The following USP10 variants were observed in gnomAD, a reference collection of about 807,000 sequenced individuals.
The protein encoded by USP10 is ubiquitin specific peptidase 10.
In USP10, 22 loss-of-function variants were observed where a neutral mutation model predicts 84.5. The ratio of observed to expected loss-of-function variants is 0.26; its 90% confidence interval spans 0.19 to 0.37. USP10 has a LOEUF of 0.37. Ranked by LOEUF, USP10 falls within the 10% of genes least tolerant of loss-of-function variation. USP10 has a pLI of 1.00. For synonymous variants in USP10, 454 were observed against 387.6 expected (o/e 1.17, Z -2.01); for missense variants, 1,019 against 998.9 (o/e 1.02, Z -0.27).
intron 1 of USP10, among the ~76,000 whole-genome samples, chr16:84,703,418 T>C (rs1473258342): frequency 6.6e-6 from 1 of 152,200 alleles, no homozygotes; most frequent in East Asian, 1.9e-4. Flanking sequence ...CCCCAGTCTC[T>C]TTTTTAGCTT....
At chr16:84,719,460 C>A (rs1177847877) in intron 1 of USP10, among the ~76,000 whole-genome samples, 1 of 152,196 alleles carries the variant, frequency 6.6e-6, no homozygotes, top group African/African-American at 2.4e-5. Flanking sequence ...CTGGACTCCA[C>A]CCTAGACCAC....
intron 6 of USP10, 129 bp downstream of exon 6, chr16:84,759,601 T>C (rs1384414232): frequency 1.2e-5 from 11 of 901,406 alleles, no homozygotes; most frequent in African/African-American, 1.7e-5. Context: ...TTTTTAAAAA[T>C]AGACTGTTGG....
intron 4 of USP10, among the ~76,000 whole-genome samples, chr16:84,756,242 C>T (rs1912525692): frequency 6.6e-6 from 1 of 152,210 alleles, no homozygotes; most frequent in Non-Finnish European, 1.5e-5. Context: ...TTACCCGGTG[C>T]CTAGGCAGGG....
At chr16:84,713,917 G>A (rs1051864601) in intron 1 of USP10, among the ~76,000 whole-genome samples, 1 of 152,264 alleles carries the variant, frequency 6.6e-6, no homozygotes, top group African/African-American at 2.4e-5. Flanking sequence ...AGTGCATTTG[G>A]GACGTGGAGA....
intron 1 of USP10, among the ~76,000 whole-genome samples, chr16:84,730,914 A>T (rs993210101): frequency 1.4e-4 from 21 of 151,922 alleles, no homozygotes; most frequent in African/African-American, 5.1e-4. Context: ...ATTCTGAAGT[A>T]AAAGGCCTTT....
intron 1 of USP10, among the ~76,000 whole-genome samples, chr16:84,712,231 GCAGT>G (rs1227137672): frequency 6.6e-6 from 1 of 152,202 alleles, no homozygotes; most frequent in Non-Finnish European, 1.5e-5. Flanking sequence ...TCCTCAGGAG[GCAGT>G]CAGCTGTGTA....
At chr16:84,733,244 A>G (rs1027146081) in intron 1 of USP10, 191 bp from the exon 2 acceptor site, 3 of 611,918 alleles carry the variant, frequency 4.9e-6, no homozygotes, top group Non-Finnish European at 8.8e-6. Context: ...ATTTGTAGGA[A>G]AGGTTCAGTA....
chr16:84,765,174 A>G (rs567544517), intron 10 of USP10, among the ~76,000 whole-genome samples: 86 of 151,794 alleles, frequency 5.7e-4, no homozygotes, highest in African/African-American at 2.0e-3. Flanking sequence ...TATTTAAAGT[A>G]TACACAGATG....
chr16:84,716,749 A>C (rs886333387), intron 1 of USP10, among the ~76,000 whole-genome samples: 1 of 152,150 alleles, frequency 6.6e-6, no homozygotes, highest in Non-Finnish European at 1.5e-5. Context: ...GTAGGCAGAG[A>C]CGCCCATTAC....
chr16:84,733,220 A>T, intron 1 of USP10: 1 of 605,292 alleles, frequency 1.7e-6, no homozygotes, highest in Non-Finnish European at 3.0e-6. Flanking sequence ...TCAGTTTCAT[A>T]GTGTTCTTTG....
intron 1 of USP10, chr16:84,732,446 T>TC (rs201565734): frequency 9.4e-4 from 327 of 347,172 alleles, no homozygotes; most frequent in Non-Finnish European, 1.4e-3. Flanking sequence ...TTCTTCTTCT[T>TC]TTTTTTTTTT....
At chr16:84,766,103 C>A (rs1440614552) in intron 10 of USP10, among the ~76,000 whole-genome samples, 1 of 152,166 alleles carries the variant, frequency 6.6e-6, no homozygotes, top group Non-Finnish European at 1.5e-5. Context: ...CCTTTTGAGG[C>A]ATCAAGACTT....
chr16:84,707,080 G>A (rs1018851785), intron 1 of USP10, among the ~76,000 whole-genome samples: 3 of 152,180 alleles, frequency 2.0e-5, no homozygotes, highest in Non-Finnish European at 4.4e-5. Flanking sequence ...ACCCAGAGAG[G>A]TTGTGGCTTG....
chr16:84,711,044 G>A (rs954087748), intron 1 of USP10, among the ~76,000 whole-genome samples: 8 of 152,128 alleles, frequency 5.3e-5, no homozygotes, highest in Non-Finnish European at 1.2e-4. Context: ...TTTTAGCGCC[G>A]AGTGGAATGG....
intron 12 of USP10, among the ~76,000 whole-genome samples, 164 bp downstream of exon 12, chr16:84,772,849 T>A (rs1371987655): frequency 6.6e-6 from 1 of 152,168 alleles, no homozygotes; most frequent in Non-Finnish European, 1.5e-5. Flanking sequence ...AATACTAAAA[T>A]TCTCATGAAA....
chr16:84,763,889 G>A (rs1913506312), intron 9 of USP10, among the ~76,000 whole-genome samples, 197 bp from the exon 10 acceptor site: 2 of 151,378 alleles, frequency 1.3e-5, no homozygotes, highest in African/African-American at 4.9e-5. Context: ...TGGTTGCCGT[G>A]GATCCAGTGA....
rs1911069916 is a variant in USP10 at position 84,745,204 on chromosome 16, G to T, written c.723G>T (p.Gln241His). ...ALGSDTRTAG[Q>H]PEGGPGADFG... is the part of the protein sequence containing the mutation. ...GCAGTGACACCAGGACTGCAGGGCA[G>T]CCAGAGGGGGGCCCCGGGGCTGATT... The change falls in exon 4 of 14, where the codon CAG becomes CAT. Residue 241 changes from glutamine to histidine, a missense_variant. Gln to His is a conservative substitution (Grantham distance 24). Around this residue, in one of 2 missense-constraint regions of USP10, gnomAD observed 787 missense variants for 708.8 expected, o/e 1.11. Coordinates refer to ENST00000219473, the MANE Select transcript of USP10 (RefSeq NM_005153.3). 1 of 1,613,110 alleles carries T rather than the reference G, an allele frequency of 6.2e-7. No individual in the cohort carries two copies. The highest frequency in any genetic ancestry group is 1.3e-5 in the African/African-American group (1 of 74,924).
chr16:84,731,201 G>A lies in USP10; in HGVS notation c.22-2234G>A, dbSNP rs574700820. 5.3e-5 allele frequency among the ~76,000 whole-genome samples: 8 copies of A among 151,290 alleles called. 1 individual carries two copies. Among genetic ancestry groups the A allele is most frequent in the African/African-American group, 1.7e-4 (7 of 41,254 alleles). On this transcript the variant is annotated intron_variant, in intron 1 of 13. Transcript: ENST00000219473. ...TCACCGTGTTAGCCAGGATGGTCTCGATCTTCTGACCTCATGATCCGCCCA... is the reference window on the plus strand; with the variant it reads ...TCACCGTGTTAGCCAGGATGGTCTCAATCTTCTGACCTCATGATCCGCCCA...
At position 84,745,486 on chromosome 16, in the gene USP10, T is replaced by G; in HGVS notation, c.1005T>G (p.Pro335=). The change falls in exon 4 of 14, where the codon CCT becomes CCG. Residue 335 remains proline (P), a synonymous_variant. Transcript: ENST00000219473. ...CGGGCTCTGCATCAGGCACCCTTCCTGTCAGCCAGCCCAAGTCCTGGGCCA... is the reference window on the plus strand; with the variant it reads ...CGGGCTCTGCATCAGGCACCCTTCCGGTCAGCCAGCCCAAGTCCTGGGCCA... The part of the protein sequence containing the change: ...DGTGSASGTL[P]VSQPKSWASL... 1 of 1,613,570 alleles carries G rather than the reference T, an allele frequency of 6.2e-7. No individual in the cohort carries two copies.
Sources: gnomAD v4.1 joint callset for allele counts (sites outside exome capture counted in the v4.1 genomes callset) on GRCh38, gnomAD v4.1.1 for gene constraint, gnomAD v4.1.1 regional missense constraint, MANE v1.5 for transcripts, NCBI Gene and HGNC (gene_info 2026-07-23, HGNC 2026-07-21) for gene names.